Variants in CASZ1 observed in about 807,000 individuals in gnomAD.
CASZ1 encodes castor zinc finger 1.
Under a neutral mutation model 135.2 loss-of-function variants are expected in CASZ1, and 28 were observed. The ratio of observed to expected loss-of-function variants is 0.21; its 90% CI spans 0.15 to 0.28. CASZ1 has a LOEUF of 0.28. Ranked by LOEUF, CASZ1 falls within the 10% of genes least tolerant of loss-of-function variation. The pLI is 1.00. For missense variants in CASZ1, 2,161 were observed against 2,453.3 expected, an observed-to-expected ratio of 0.88 and a Z score of 2.52; for synonymous variants, 1,068 against 1,073.4, an observed-to-expected ratio of 0.99 and a Z score of 0.10.
At chr1:10,743,417 AGGAGAGCCCTG>A (rs147216387) in intron 2 of CASZ1, among the ~76,000 whole-genome samples, 15 of 151,120 alleles carry the variant, frequency 9.9e-5, no homozygotes, top group African/African-American at 2.7e-4. Context: ...CTCAGAATGA[AGGAGAGCCCTG>A]GGAGAGCCCT....
At chr1:10,785,115 T>C (rs1640833535) in intron 1 of CASZ1, among the ~76,000 whole-genome samples, 1 of 149,186 alleles carries the variant, frequency 6.7e-6, no homozygotes, top group Non-Finnish European at 1.5e-5. Flanking sequence ...TTTCCTTCCT[T>C]CCTTCTTTCC....
chr1:10,648,746 C>T, intron 15 of CASZ1: 1 of 321,062 alleles, frequency 3.1e-6, no homozygotes. Flanking sequence ...AGCCGAGTCT[C>T]TCCAGCTGGG....
At position 10,774,015 on chromosome 1, in the gene CASZ1, T is replaced by G. The variant is rs1640618997; in HGVS notation, c.-233-13158A>C. On this transcript the variant is annotated intron_variant, in intron 1 of 20. Coordinates refer to ENST00000377022, the MANE Select transcript of CASZ1 (RefSeq NM_001079843.3). This position sits in a 1 kb window ranked among gnomAD's most constrained non-coding sequence, Gnocchi z 4.4. ...TCCCTGTGGTGGTCCGGAGCAAACCTCCTTAACTCTGATCCCAGCACAGAG... is the reference window on the plus strand; with the variant it reads ...TCCCTGTGGTGGTCCGGAGCAAACCGCCTTAACTCTGATCCCAGCACAGAG... Among the ~76,000 whole-genome samples, 1 of 152,104 alleles carries G rather than the reference T, an allele frequency of 6.6e-6. No individual in the cohort carries two copies. Among genetic ancestry groups the G allele is most frequent in the Non-Finnish European group, 1.5e-5 (1 of 68,016 alleles).
chr1:10,654,755 G>A (rs546532799), intron 9 of CASZ1, among the ~76,000 whole-genome samples, 164 bp from the exon 10 acceptor site: 3 of 152,342 alleles, frequency 2.0e-5, no homozygotes, highest in East Asian at 3.9e-4. Flanking sequence ...AGGAAGCAGA[G>A]TAGAAAGCCT....
rs1057230238 is a variant in CASZ1 at position 10,701,082 on chromosome 1, A to G, written c.-24+4410T>C. The stretch of plus-strand genomic sequence containing the variant: ...GGCCTGGGCTGGTGTCCATGGGTGT[A>G]TACCATTGGTGCTTACAAATATCTA... On this transcript the variant is annotated intron_variant, in intron 3 of 20. Coordinates refer to ENST00000377022, the MANE Select transcript of CASZ1 (RefSeq NM_001079843.3). This position sits in a 1 kb window ranked among gnomAD's most constrained non-coding sequence, Gnocchi z 6.3. 5.9e-5 allele frequency among the ~76,000 whole-genome samples: 9 copies of G among 152,180 alleles called. No individual in the cohort carries two copies. Among genetic ancestry groups the G allele is most frequent in the Non-Finnish European group, 1.0e-4 (7 of 68,034 alleles).
chr1:10,720,785 C>T lies in CASZ1; in HGVS notation c.-76-15241G>A, dbSNP rs556537949. ...GGTCAGAGAGTGGGGAGGAAGTGGA[C>T]GCCGGTGGGTGAGCTGAGGGAGGGT... is the stretch of plus-strand genomic sequence containing the variant. On this transcript the variant is annotated intron_variant, in intron 2 of 20. Coordinates refer to ENST00000377022, the MANE Select transcript of CASZ1 (RefSeq NM_001079843.3). This position sits in a 1 kb window ranked among gnomAD's most constrained non-coding sequence, Gnocchi z 5.7. 1.8e-4 allele frequency among the ~76,000 whole-genome samples: 27 copies of T among 152,170 alleles called. No individual in the cohort carries two copies. Among genetic ancestry groups the T allele is most frequent in the Middle Eastern group, 3.4e-3 (1 of 294 alleles).
intron 2 of CASZ1, among the ~76,000 whole-genome samples, chr1:10,752,956 G>A (rs1413606636): frequency 6.6e-6 from 1 of 152,188 alleles, no homozygotes; most frequent in Admixed American, 6.5e-5. Context: ...AGACTCACTT[G>A]AACCTGAGAG....
chr1:10,697,248 C>A lies in CASZ1; in HGVS notation c.-23-3336G>T, dbSNP rs996793223. Among the ~76,000 whole-genome samples the A allele has an allele frequency of 1.3e-5, 2 of 152,016 alleles. No homozygotes were observed. The highest frequency in any genetic ancestry group is 6.5e-5 in the Admixed American group (1 of 15,274). ...GGGGCCCCCAGATTATGCGCCCCCCCCTTCTCTCTCTTTCTCTCTGAGTGT... is the reference window on the plus strand; with the variant it reads ...GGGGCCCCCAGATTATGCGCCCCCCACTTCTCTCTCTTTCTCTCTGAGTGT... On this transcript the variant is annotated intron_variant, in intron 3 of 20. Transcript: ENST00000377022. This position sits in a 1 kb window ranked among gnomAD's most constrained non-coding sequence, Gnocchi z 4.7.
chr1:10,719,043 A>C lies in CASZ1; in HGVS notation c.-76-13499T>G, dbSNP rs1639446961. On this transcript the variant is annotated intron_variant, in intron 2 of 20. Coordinates refer to ENST00000377022, the MANE Select transcript of CASZ1 (RefSeq NM_001079843.3). The surrounding 1 kb of genome is among the most constrained non-coding windows in gnomAD (Gnocchi z 4.0). The stretch of plus-strand genomic sequence containing the variant: ...TTGTTGTGCCTCAGCCTCCCGAGTA[A>C]CTGGGATTACAGGCACTCGCCACCA... 6.6e-6 allele frequency among the ~76,000 whole-genome samples: 1 copy of C among 151,730 alleles called. No individual in the cohort carries two copies. The highest frequency in any genetic ancestry group is 1.5e-5 in the Non-Finnish European group (1 of 67,946).
rs1474525816 is a variant in CASZ1, at chr1:10,727,910, C to T, written c.-76-22366G>A. Among the ~76,000 whole-genome samples, 6 of 152,218 alleles carry T rather than the reference C, an allele frequency of 3.9e-5. No individual in the cohort carries two copies. The highest frequency in any genetic ancestry group is 1.2e-4 in the African/African-American group (5 of 41,462). ...AGAACTCAGGCTTGCCATGCCCCGGCACCATGCCAACACGTGGAAGGTTGA... is the reference window on the plus strand; with the variant it reads ...AGAACTCAGGCTTGCCATGCCCCGGTACCATGCCAACACGTGGAAGGTTGA... On this transcript the variant is annotated intron_variant, in intron 2 of 20. Transcript: ENST00000377022. The surrounding 1 kb of genome is among the most constrained non-coding windows in gnomAD (Gnocchi z 5.3).
intron 1 of CASZ1, among the ~76,000 whole-genome samples, chr1:10,795,041 G>T (rs904461497): frequency 6.6e-6 from 1 of 152,136 alleles, no homozygotes; most frequent in Admixed American, 6.5e-5. Context: ...AGAAAGAACA[G>T]AAAGCAAAAC....
chr1:10,695,580 ACCCC>A (rs61026086), intron 3 of CASZ1, among the ~76,000 whole-genome samples: 116 of 16,764 alleles, frequency 6.9e-3, no homozygotes, highest in African/African-American at 0.021. Context: ...CCTCCCCGCC[ACCCC>A]CCCCCCCCCC....
chr1:10,743,906 A>G, intron 2 of CASZ1, among the ~76,000 whole-genome samples: 1 of 150,970 alleles, frequency 6.6e-6, no homozygotes. Context: ...CGGCGGGGGG[A>G]GGCAGGCAGA....
chr1:10,782,849 T>A (rs984365196), intron 1 of CASZ1, among the ~76,000 whole-genome samples: 6 of 152,016 alleles, frequency 3.9e-5, no homozygotes, highest in Admixed American at 3.3e-4. Flanking sequence ...CAAACAGAAA[T>A]CATAATTCTT....
intron 12 of CASZ1, 69 bp from the exon 13 acceptor site, chr1:10,650,824 T>G (rs1277780349): frequency 6.3e-6 from 10 of 1,599,828 alleles, no homozygotes; most frequent in Admixed American, 3.3e-5. Context: ...TCACCTTCCC[T>G]GCCCGACCCT....
chr1:10,744,118 G>A (rs539575930), intron 2 of CASZ1, among the ~76,000 whole-genome samples: 77 of 146,356 alleles, frequency 5.3e-4, no homozygotes, highest in African/African-American at 1.8e-3. Context: ...CTCCCACCCC[G>A]ACCCTGCCCC....
At chr1:10,695,231 C>G (rs1351905606) in intron 3 of CASZ1, among the ~76,000 whole-genome samples, 1 of 151,886 alleles carries the variant, frequency 6.6e-6, no homozygotes, top group Non-Finnish European at 1.5e-5. Flanking sequence ...CGCGCGTCCC[C>G]GGCCCTGGGC....
intron 4 of CASZ1, 137 bp downstream of exon 4, chr1:10,693,737 C>A: frequency 2.5e-6 from 2 of 811,460 alleles, no homozygotes; most frequent in East Asian, 5.1e-5. Flanking sequence ...GAGGCCGGGA[C>A]GCCGGGAGGC....
At chr1:10,670,019 T>C (rs1193096989) in intron 4 of CASZ1, among the ~76,000 whole-genome samples, 1 of 152,210 alleles carries the variant, frequency 6.6e-6, no homozygotes. Context: ...AGTATCCCCT[T>C]TGGGCGGCCT....
Sources: gnomAD v4.1 joint callset for allele counts (sites outside exome capture counted in the v4.1 genomes callset) on GRCh38, gnomAD v4.1.1 for gene constraint, Gnocchi (gnomAD v3.1) non-coding constraint, MANE v1.5 for transcripts, NCBI Gene and HGNC (gene_info 2026-07-23, HGNC 2026-07-21) for gene names.